PRKAG3: variants seen among roughly 807,000 people sequenced by gnomAD.
PRKAG3 encodes the protein protein kinase AMP-activated non-catalytic subunit gamma 3.
A neutral mutation model predicts 56.5 loss-of-function variants in PRKAG3; 39 were observed. That is an observed-to-expected ratio of 0.69 (90% confidence interval 0.53 to 0.90). The LOEUF (loss-of-function observed/expected upper bound fraction) is 0.90, where lower values mean the gene tolerates loss of function less well. Ranked by LOEUF, PRKAG3 falls within the 40% of genes least tolerant of loss-of-function variation. The pLI is 0.00. For synonymous variants in PRKAG3, 243 were observed against 250.1 expected (o/e 0.97, Z 0.27); for missense variants, 628 against 627.5 (o/e 1.00, Z -0.01).
intron 10 of PRKAG3, 122 bp from the exon 11 acceptor site, chr2:218,824,698 G>A: frequency 1.1e-6 from 1 of 881,942 alleles, no homozygotes; most frequent in Non-Finnish European, 1.9e-6. Flanking sequence ...CAGAACCCAA[G>A]GATCAAACTT....
chr2:218,825,291 G>T (rs1390035484), intron 10 of PRKAG3, among the ~76,000 whole-genome samples: 1 of 146,880 alleles, frequency 6.8e-6, no homozygotes, highest in Non-Finnish European at 1.5e-5. Flanking sequence ...AGCCAAGATT[G>T]CACCATTGCA....
intron 10 of PRKAG3, among the ~76,000 whole-genome samples, chr2:218,826,169 C>T (rs950446194): frequency 6.6e-6 from 1 of 152,142 alleles, no homozygotes; most frequent in Non-Finnish European, 1.5e-5. Context: ...CTGGTTATGG[C>T]AATATAGTAA....
rs1943940676 is a variant in PRKAG3 at position 218,826,924 on chromosome 2, G to A, written c.1168+4C>T. 1 of 1,614,008 alleles carries A rather than the reference G, an allele frequency of 6.2e-7. No homozygotes were observed. The highest frequency in any genetic ancestry group is 1.3e-5 in the African/African-American group (1 of 75,038). On this transcript the variant is annotated splice_donor_region_variant and intron_variant, in intron 10 of 12. Transcript: ENST00000529249. ...CCCGAGCCTCTCATCCTGGGGGTGGGTACCACATTCGTTGACCACAGGCAG... is the reference window on the plus strand; with the variant it reads ...CCCGAGCCTCTCATCCTGGGGGTGGATACCACATTCGTTGACCACAGGCAG...
At position 218,830,909 on chromosome 2, in the gene PRKAG3, G is replaced by C; in HGVS notation, c.74-8C>G. On this transcript the variant is annotated splice_polypyrimidine_tract_variant and splice_region_variant and intron_variant, in intron 2 of 12. Coordinates refer to ENST00000529249, the Ensembl canonical transcript of PRKAG3. ...GCTCTAGGAAGCTCATCTCTGGAAG[G>C]GGAATGGGGCCTGTTTGGTTAATAG... 6.2e-7 allele frequency: 1 copy of C among 1,613,364 alleles called. No homozygotes were observed. The highest frequency in any genetic ancestry group is 8.5e-7 in the Non-Finnish European group (1 of 1,179,864).
At chr2:218,828,243 C>A (rs977800344) in intron 5 of PRKAG3, among the ~76,000 whole-genome samples, 181 bp from the exon 6 acceptor site, 1 of 152,204 alleles carries the variant, frequency 6.6e-6, no homozygotes, top group Non-Finnish European at 1.5e-5. Flanking sequence ...TCCTGCCTCC[C>A]CCCATTTGCT....
chr2:218,823,609 C>T (rs1943885032), exon 13 of PRKAG3: 20 of 1,514,630 alleles, frequency 1.3e-5, no homozygotes, highest in African/African-American at 1.4e-5. Flanking sequence ...ATCAGGAAGA[C>T]TAAGAGGCTG....
At chr2:218,831,779 C>T (rs1417759881) in exon 1 of PRKAG3, 3 of 1,609,054 alleles carry the variant, frequency 1.9e-6, no homozygotes, top group Non-Finnish European at 2.5e-6. Context: ...ATGTGGCCAG[C>T]CCCAGACCAA....
chr2:218,830,899 T>C (rs375401863), exon 3 of PRKAG3: 1 of 1,613,674 alleles, frequency 6.2e-7, no homozygotes, highest in Middle Eastern at 1.8e-4. Flanking sequence ...AGGAAGCTCA[T>C]CTCTGGAAGG....
chr2:218,827,284 A>T lies in PRKAG3; in HGVS notation c.965T>A (p.Leu322His). The T allele has an allele frequency of 6.2e-7, 1 of 1,614,156 alleles. No homozygotes were observed. Among genetic ancestry groups the T allele is most frequent in the Non-Finnish European group, 8.5e-7 (1 of 1,180,028 alleles). Residue 322 changes from leucine to histidine, a missense_variant, in exon 9 of 13, where the codon CTC becomes CAC. Leu to His is a moderately conservative substitution (Grantham distance 99). Coordinates refer to ENST00000529249, the Ensembl canonical transcript of PRKAG3. The surrounding 1 kb of genome is among the most constrained non-coding windows in gnomAD (Gnocchi z 5.3). ...GAACTTGAGCAGGCGTTTGTGTGTG[A>T]GGATGTGGAGTACGTTGCCTGACAC...
At chr2:218,822,820 T>C (rs1305647025), downstream of PRKAG3, 2 of 923,530 alleles carry the variant, frequency 2.2e-6, no homozygotes, top group African/African-American at 1.8e-5. Flanking sequence ...GCTGAAGCCA[T>C]AGGTAGCCCA....
In PRKAG3 at chr2:218,827,792, C is replaced by A; in HGVS notation, c.820+41G>T. On this transcript the variant is annotated intron_variant, in intron 7 of 12. Coordinates refer to ENST00000529249, the Ensembl canonical transcript of PRKAG3. This position sits in a 1 kb window ranked among gnomAD's most constrained non-coding sequence, Gnocchi z 5.3. The stretch of plus-strand genomic sequence containing the variant: ...ATCCTCCACCTTAAGCCCTGGCCCA[C>A]CATCACCAACAGCCCTTTCCGGGTT... 1 of 1,503,724 alleles carries A rather than the reference C, an allele frequency of 6.7e-7. No homozygotes were observed. 93.1% of individuals were successfully genotyped at this position (1,503,724 alleles called of 1,614,324 possible).
At chr2:218,823,665 G>A (rs1943885829) in exon 13 of PRKAG3, 3 of 1,599,414 alleles carry the variant, frequency 1.9e-6, no homozygotes, top group East Asian at 2.2e-5. Context: ...AGCTGAACCA[G>A]CAAATGGGGG....
chr2:218,830,200 C>T (rs754013573), exon 4 of PRKAG3: 17 of 1,613,980 alleles, frequency 1.1e-5, no homozygotes, highest in African/African-American at 8.0e-5. Flanking sequence ...CTGGGAACTC[C>T]GTGGCCAGCT....
At chr2:218,822,928 T>C, downstream of PRKAG3, 1 of 985,646 alleles carries the variant, frequency 1.0e-6, no homozygotes, top group Non-Finnish European at 1.2e-6. Context: ...CAGATGGCCC[T>C]GGGGTAATCC....
chr2:218,825,827 G>A (rs1375447075), intron 10 of PRKAG3, among the ~76,000 whole-genome samples: 2 of 148,092 alleles, frequency 1.4e-5, no homozygotes, highest in East Asian at 4.2e-4. Context: ...CGCGATCTTG[G>A]CTCACTGCAA....
At chr2:218,830,764 G>C (rs692243) in exon 3 of PRKAG3, 282,016 of 1,612,086 alleles carry the variant, frequency 0.17, 26,518 homozygotes, top group East Asian at 0.39. Context: ...TGACCTGGTG[G>C]CTCCCCTTCC....
rs778267564 is a variant in PRKAG3, at chr2:218,827,256, C to T, written c.993G>A (p.Leu331=). The T allele has an allele frequency of 5.6e-6, 9 of 1,614,154 alleles. No homozygotes were observed. The South Asian group carries it at 8.8e-5, about 16-fold the overall frequency. The stretch of plus-strand genomic sequence containing the variant: ...CTGGGCCCAGGCTTACAAAGATGTG[C>T]AGGAACTTGAGCAGGCGTTTGTGTG... The change falls in exon 9 of 13, where the codon CTG becomes CTA. Residue 331 remains leucine (L), a synonymous_variant. Coordinates refer to ENST00000529249, the Ensembl canonical transcript of PRKAG3. This position sits in a 1 kb window ranked among gnomAD's most constrained non-coding sequence, Gnocchi z 5.3.
chr2:218,823,709 C>T (rs1943886430), exon 13 of PRKAG3: 1 of 1,611,880 alleles, frequency 6.2e-7, no homozygotes, highest in Non-Finnish European at 8.5e-7. Flanking sequence ...CTCCAGTTCC[C>T]TTCATTGGCT....
At chr2:218,831,272 G>T in intron 2 of PRKAG3, 64 bp downstream of exon 2, 1 of 1,317,066 alleles carries the variant, frequency 7.6e-7, no homozygotes, top group Non-Finnish European at 1.0e-6. Context: ...TGGGGTCCCA[G>T]AAAAGTGGGG....
Sources: allele counts gnomAD v4.1 joint callset (sites outside exome capture counted in the v4.1 genomes callset), GRCh38; gene constraint gnomAD v4.1.1; non-coding constraint Gnocchi (gnomAD v3.1); transcripts MANE v1.5; gene names NCBI Gene and HGNC (gene_info 2026-07-23, HGNC 2026-07-21).